ZNF185: variants seen among roughly 807,000 people sequenced by gnomAD.
The protein encoded by ZNF185 is zinc finger protein 185 with LIM domain.
Under a neutral mutation model 58.6 loss-of-function variants are expected in ZNF185, and 56 were observed. The ratio of observed to expected loss-of-function variants is 0.95; its 90% CI spans 0.77 to 1.19. The LOEUF is 1.19. Ranked by LOEUF, ZNF185 falls within the 50% of genes most tolerant of loss-of-function variation. ZNF185 has a pLI of 0.00. For synonymous variants in ZNF185, 230 were observed against 215.9 expected, an observed-to-expected ratio of 1.07 and a Z score of -0.57; for missense variants, 627 against 573.5, an observed-to-expected ratio of 1.09 and a Z score of -0.95.
intron 16 of ZNF185, among the ~76,000 whole-genome samples, chrX:152,955,758 C>T (rs188882582): frequency 2.7e-5 from 3 of 110,785 alleles, no homozygotes; most frequent in Admixed American, 9.5e-5. Context: ...AAAAATTAGC[C>T]GGGCGCGGTG....
At chrX:152,900,274 C>A in the ZNF185 span, among the ~76,000 whole-genome samples, 4 of 112,672 alleles carry the variant, frequency 3.6e-5, no homozygotes, top group African/African-American at 1.3e-4. Flanking sequence ...CAGTTGCATG[C>A]CAAGCAAACT....
At chrX:152,907,708 G>C in the ZNF185 span, among the ~76,000 whole-genome samples, 8 of 113,021 alleles carry the variant, frequency 7.1e-5, no homozygotes, top group African/African-American at 9.6e-5. Flanking sequence ...TGAGTACGGG[G>C]CTTTGCTCAG....
chrX:152,969,441 C>A, exon 21 of ZNF185: 1 of 1,208,433 alleles, frequency 8.3e-7, no homozygotes, highest in Non-Finnish European at 1.1e-6. Flanking sequence ...CCAAAGATTA[C>A]CCTAGAACAT....
chrX:152,945,452 G>T, exon 16 of ZNF185: 1 of 1,201,766 alleles, frequency 8.3e-7, no homozygotes, highest in Non-Finnish European at 1.1e-6. Flanking sequence ...AGACGAGAGA[G>T]TTGTGGCAGC....
chrX:152,968,446 C>G (rs933098518), intron 20 of ZNF185, among the ~76,000 whole-genome samples: 3 of 112,864 alleles, frequency 2.7e-5, no homozygotes, highest in Non-Finnish European at 5.6e-5. Context: ...CACTTGCACA[C>G]ATGCATATGC....
At position 152,932,885 on chromosome X, in the gene ZNF185, G is replaced by C. The variant is rs373466621; in HGVS notation, c.1035G>C (p.Gln345His). Residue 345 changes from glutamine (Q) to histidine (H), a missense_variant, in exon 14 of 23, where the codon CAG becomes CAC. Gln to His is a conservative substitution (Grantham distance 24). Transcript: ENST00000449285. ...CTTCTCATAACAGGTCAAGTGCACA[G>C]TTGAGTGATGGCAATGTGGGATCCG... 308 of 1,202,332 alleles carry C rather than the reference G, an allele frequency of 2.6e-4. No homozygotes were observed. The highest frequency in any genetic ancestry group is 3.4e-4 in the Non-Finnish European group (303 of 890,426).
At chrX:152,918,912 G>A (rs1939108584) in intron 6 of ZNF185, 71 bp from the exon 8 acceptor site, 1 of 811,763 alleles carries the variant, frequency 1.2e-6, no homozygotes, top group Non-Finnish European at 1.8e-6. Flanking sequence ...CGTCATTGTT[G>A]TTGAAAGCCA....
In ZNF185 at chrX:152,959,368, G is replaced by A. The variant is rs2049226199; in HGVS notation, c.1410-331G>A. 2.7e-5 allele frequency among the ~76,000 whole-genome samples: 3 copies of A among 112,621 alleles called. No homozygotes were observed. In the Admixed American group the frequency reaches 2.8e-4, roughly 11 times the overall value. ...AGGTCTTCCTAGAGAGGCCGGAGGC[G>A]GGAAAGAACTGGAGAAAGGAGAGAT... On this transcript the variant is annotated intron_variant, in intron 16 of 22. Coordinates refer to ENST00000449285, the Ensembl canonical transcript of ZNF185.
intron 15 of ZNF185, among the ~76,000 whole-genome samples, chrX:152,942,631 T>C (rs1288059362): frequency 1.8e-5 from 2 of 112,255 alleles, no homozygotes; most frequent in African/African-American, 3.3e-5. Context: ...CGATATCTCA[T>C]CTTCTTCCTA....
At chrX:152,962,101 G>A (rs782727353) in intron 17 of ZNF185, among the ~76,000 whole-genome samples, 1 of 111,321 alleles carries the variant, frequency 9.0e-6, no homozygotes, top group Non-Finnish European at 1.9e-5. Context: ...AAAGAACCTG[G>A]GGAGAGGCAT....
chrX:152,967,356 C>T, intron 20 of ZNF185, 118 bp downstream of exon 22: 10 of 722,671 alleles, frequency 1.4e-5, no homozygotes, highest in Admixed American at 2.6e-5. Context: ...AATCCATTTG[C>T]AGAAAGGTGA....
At chrX:152,939,910 G>A (rs1205507769) in intron 15 of ZNF185, among the ~76,000 whole-genome samples, 1 of 105,772 alleles carries the variant, frequency 9.5e-6, no homozygotes, top group Non-Finnish European at 1.9e-5. Context: ...AGCCTCCTAA[G>A]TAGCTGGGAT....
chrX:152,904,199 C>T, the ZNF185 span, among the ~76,000 whole-genome samples: 1 of 112,282 alleles, frequency 8.9e-6, no homozygotes, highest in Non-Finnish European at 1.9e-5. Flanking sequence ...CACTCTGGCT[C>T]TGGCAAGAGG....
chrX:152,959,621 A>G, intron 16 of ZNF185, 78 bp from the exon 19 acceptor site: 1 of 1,065,248 alleles, frequency 9.4e-7, no homozygotes, highest in Non-Finnish European at 1.3e-6. Context: ...ACGAGACATG[A>G]CAGCCAGCCT....
At chrX:152,912,747 G>A (rs1320158145), upstream of ZNF185, among the ~76,000 whole-genome samples, 1 of 112,714 alleles carries the variant, frequency 8.9e-6, no homozygotes, top group Non-Finnish European at 1.9e-5. Flanking sequence ...CAGATGAAGT[G>A]AGGAACTGTC....
intron 15 of ZNF185, among the ~76,000 whole-genome samples, chrX:152,944,673 T>A (rs1216199204): frequency 2.7e-5 from 3 of 112,408 alleles, no homozygotes; most frequent in African/African-American, 9.7e-5. Context: ...GGAAGCCCTG[T>A]CCTTCTTGCT....
At chrX:152,908,639 T>C in the ZNF185 span, among the ~76,000 whole-genome samples, 1 of 112,309 alleles carries the variant, frequency 8.9e-6, no homozygotes, top group African/African-American at 3.2e-5. Context: ...CTCCAGCGGG[T>C]GAGCATTGCT....
chrX:152,910,099 A>G (rs147216548), upstream of ZNF185, among the ~76,000 whole-genome samples: 4,725 of 109,787 alleles, frequency 0.043, 231 homozygotes, highest in African/African-American at 0.15. Flanking sequence ...GTAGAGATGG[A>G]GTTTCCCCAT....
chrX:152,961,845 A>G (rs1470145074), intron 17 of ZNF185, among the ~76,000 whole-genome samples: 2 of 111,929 alleles, frequency 1.8e-5, no homozygotes, highest in Non-Finnish European at 3.8e-5. Context: ...AGGTTAAGTA[A>G]TTTGCTGGCA....
Sources: allele counts gnomAD v4.1 joint callset (sites outside exome capture counted in the v4.1 genomes callset), GRCh38; gene constraint gnomAD v4.1.1; transcripts MANE v1.5; gene names NCBI Gene and HGNC (gene_info 2026-07-23, HGNC 2026-07-21).